Variants in KCNK9 observed in about 807,000 individuals in gnomAD.
The protein encoded by KCNK9 is potassium two pore domain channel subfamily K member 9, also known as potassium channel subfamily K member 9.
A neutral mutation model predicts 10.8 loss-of-function variants in KCNK9; 1 was observed. The observed-to-expected ratio is 0.09, with a 90% CI of 0.03 to 0.44. The LOEUF is 0.44. KCNK9 is among the 20% of genes least tolerant of loss of function. KCNK9 has a pLI of 0.97. For missense variants in KCNK9, 303 were observed against 515.0 expected, an observed-to-expected ratio of 0.59 and a Z score of 3.98; for synonymous variants, 231 against 222.7, an observed-to-expected ratio of 1.04 and a Z score of -0.33.
At chr8:139,616,095 C>G (rs543637428), downstream of KCNK9, 21 of 152,316 alleles carry the variant, frequency 1.4e-4, no homozygotes, top group African/African-American at 5.1e-4. Flanking sequence ...GCAAATCACC[C>G]TCTCAGTGCC....
chr8:139,698,396 A>C (rs1241979287), intron 1 of KCNK9, among the ~76,000 whole-genome samples: 3 of 152,214 alleles, frequency 2.0e-5, no homozygotes, highest in African/African-American at 7.2e-5. Flanking sequence ...TGGAGCAGAA[A>C]ACATAGTATT....
intron 2 of KCNK9, among the ~76,000 whole-genome samples, chr8:139,605,099 T>C (rs1817457220): frequency 1.3e-5 from 2 of 152,222 alleles, no homozygotes; most frequent in African/African-American, 4.8e-5. Context: ...AGGAGCAGAT[T>C]TGCCTTCGAT....
chr8:139,647,855 C>G, intron 1 of KCNK9, among the ~76,000 whole-genome samples: 1 of 152,184 alleles, frequency 6.6e-6, no homozygotes, highest in East Asian at 1.9e-4. Context: ...GAAAATGGCG[C>G]AGCTGCTGTG....
chr8:139,671,511 CTTTTT>C (rs35081138), intron 1 of KCNK9, among the ~76,000 whole-genome samples: 1 of 132,734 alleles, frequency 7.5e-6, no homozygotes, highest in Non-Finnish European at 1.6e-5. Flanking sequence ...TTTTTAGTTT[CTTTTT>C]TTTTTTTTTT....
intron 1 of KCNK9, among the ~76,000 whole-genome samples, chr8:139,641,644 C>A (rs1182162921): frequency 6.6e-6 from 1 of 151,102 alleles, no homozygotes; most frequent in Non-Finnish European, 1.5e-5. Context: ...CCCCCCCGCA[C>A]TTTCTGCTAC....
intron 1 of KCNK9, among the ~76,000 whole-genome samples, chr8:139,690,021 A>T (rs570297552): frequency 1.6e-4 from 24 of 152,358 alleles, no homozygotes; most frequent in African/African-American, 3.6e-4. Flanking sequence ...AGTAATGGGT[A>T]AAAGCTGCCC....
intron 1 of KCNK9, among the ~76,000 whole-genome samples, chr8:139,619,800 G>A (rs1467195015): frequency 6.6e-6 from 1 of 152,232 alleles, no homozygotes; most frequent in African/African-American, 2.4e-5. Context: ...TGTAGAGTGA[G>A]ATGTAAATGC....
At chr8:139,679,035 T>C (rs1816624955) in intron 1 of KCNK9, among the ~76,000 whole-genome samples, 1 of 152,182 alleles carries the variant, frequency 6.6e-6, no homozygotes, top group African/African-American at 2.4e-5. Context: ...GCTTTGTTTT[T>C]TTTAACAGCC....
intron 1 of KCNK9, among the ~76,000 whole-genome samples, chr8:139,631,994 G>C (rs777253185): frequency 3.3e-5 from 5 of 152,166 alleles, no homozygotes; most frequent in African/African-American, 4.8e-5. Flanking sequence ...CGAGTTACTG[G>C]GAGCTGTAAG....
At chr8:139,644,721 C>CCT (rs779839455) in intron 1 of KCNK9, among the ~76,000 whole-genome samples, 25 of 150,544 alleles carry the variant, frequency 1.7e-4, no homozygotes, top group Non-Finnish European at 3.0e-4. Context: ...CCTGTCCCCC[C>CCT]CCCCCAGAGC....
chr8:139,621,290 C>CA (rs60686948), intron 1 of KCNK9, among the ~76,000 whole-genome samples: 30,363 of 110,506 alleles, frequency 0.27, 4,749 homozygotes, highest in East Asian at 0.56. Flanking sequence ...GACTCCATCT[C>CA]AAAAAAAAAA....
chr8:139,661,520 C>A lies in KCNK9; in HGVS notation c.283+41190G>T, dbSNP rs1357493560. 1.6e-4 allele frequency among the ~76,000 whole-genome samples: 25 copies of A among 152,204 alleles called. 1 individual carries two copies. The highest frequency in any genetic ancestry group is 1.6e-3 in the Admixed American group (25 of 15,290). ...TCACAGCCCTGGGAAGCAAGCAGAGCCCACAGGAAGGGTATGCCCTCCCCT... is the reference window on the plus strand; with the variant it reads ...TCACAGCCCTGGGAAGCAAGCAGAGACCACAGGAAGGGTATGCCCTCCCCT... On this transcript the variant is annotated intron_variant, in intron 1 of 1. Transcript: ENST00000520439.
intron 1 of KCNK9, among the ~76,000 whole-genome samples, chr8:139,635,741 A>G (rs1029579446): frequency 4.6e-5 from 7 of 152,028 alleles, no homozygotes; most frequent in East Asian, 3.9e-4. Context: ...GAAGCAGGGG[A>G]AAAAAAATCA....
intron 1 of KCNK9, among the ~76,000 whole-genome samples, chr8:139,686,519 A>C (rs117021149): frequency 1.3e-5 from 2 of 152,364 alleles, no homozygotes; most frequent in East Asian, 3.9e-4. Flanking sequence ...AAAAATGCAC[A>C]TTAGCAATTT....
intron 1 of KCNK9, among the ~76,000 whole-genome samples, chr8:139,664,389 C>A (rs1452101248): frequency 2.0e-5 from 3 of 151,278 alleles, no homozygotes; most frequent in African/African-American, 4.9e-5. Context: ...CCCAGCCAGG[C>A]AAAGCCCTCC....
In KCNK9 at chr8:139,641,516, G is replaced by C. The variant is rs186123545; in HGVS notation, c.284-22417C>G. On this transcript the variant is annotated intron_variant, in intron 1 of 1. Transcript: ENST00000520439. ...CCATTGCTGTTTTGGAGGTGGAACA[G>C]GGTGGACAGCGTCGATGACCGGAGC... Among the ~76,000 whole-genome samples the C allele has an allele frequency of 2.1e-3, 326 of 152,284 alleles. 3 individuals carry two copies. Among genetic ancestry groups the C allele is most frequent in the Non-Finnish European group, 2.3e-3 (155 of 68,014 alleles).
At chr8:139,615,407 G>T (rs753922093), downstream of KCNK9, among the ~76,000 whole-genome samples, 2 of 152,120 alleles carry the variant, frequency 1.3e-5, no homozygotes, top group Non-Finnish European at 2.9e-5. Flanking sequence ...ATTAAGAGAA[G>T]AAAGAACCCT....
At chr8:139,696,158 A>T (rs1817046418) in intron 1 of KCNK9, among the ~76,000 whole-genome samples, 1 of 152,098 alleles carries the variant, frequency 6.6e-6, no homozygotes, top group Non-Finnish European at 1.5e-5. Context: ...TAATCTCAAC[A>T]TTCGTCTAAA....
At position 139,643,047 on chromosome 8, in the gene KCNK9, T is replaced by A. The variant is rs953225917; in HGVS notation, c.284-23948A>T. On this transcript the variant is annotated intron_variant, in intron 1 of 1. Transcript: ENST00000520439. ...TGATAAGGCAGTGCCCCAAGACCCA[T>A]GAGCCCCTGTGGTCCCCCTGCCTGA... Among the ~76,000 whole-genome samples the A allele has an allele frequency of 2.0e-5, 3 of 152,066 alleles. No individual in the cohort carries two copies. In the South Asian group the frequency reaches 6.3e-4, roughly 32 times the overall value.
Sources: gnomAD v4.1 joint callset for allele counts (sites outside exome capture counted in the v4.1 genomes callset) on GRCh38, gnomAD v4.1.1 for gene constraint, MANE v1.5 for transcripts, NCBI Gene and HGNC (gene_info 2026-07-23, HGNC 2026-07-21) for gene names.